Variants in ACSF3 observed in about 807,000 individuals in gnomAD.
ACSF3 encodes acyl-CoA synthetase family member 3.
Under a neutral mutation model 53.2 loss-of-function variants are expected in ACSF3, and 78 were observed. The observed-to-expected ratio is 1.47, with a 90% CI of 1.22 to 1.77. ACSF3 has a LOEUF of 1.77. Ranked by LOEUF, ACSF3 falls within the 40% of genes most tolerant of loss-of-function variation. ACSF3 has a pLI of 0.00. For missense variants in ACSF3, 937 were observed against 771.1 expected (o/e 1.22, Z -2.55); for synonymous variants, 414 against 333.1 (o/e 1.24, Z -2.65).
rs137996926 is a variant in ACSF3 at position 89,118,014 on chromosome 16, C to A, written c.1127-2787C>A. Among the ~76,000 whole-genome samples, 357 of 119,280 alleles carry A rather than the reference C, an allele frequency of 3.0e-3. 3 individuals are homozygous for A. Among genetic ancestry groups the A allele is most frequent in the Admixed American group, 9.5e-3 (119 of 12,538 alleles). 78.3% of individuals were successfully genotyped at this position (119,280 alleles called of 152,430 possible). A position where few individuals can be genotyped will look rare whatever the true frequency, so the allele number is the denominator to read the frequency against. The stretch of plus-strand genomic sequence containing the variant: ...TAAGGCAGAGCCCACAGCAGGTTCC[C>A]TCAGGCGCCAGGGACGTTCCCTCTT... On this transcript the variant is annotated intron_variant, in intron 6 of 10. Transcript: ENST00000614302.
chr16:89,139,501 C>G (rs370617756), intron 8 of ACSF3, among the ~76,000 whole-genome samples: 1 of 151,672 alleles, frequency 6.6e-6, no homozygotes, highest in Admixed American at 6.6e-5. Flanking sequence ...GGTTAGAAGT[C>G]GCTTCTCTAT....
chr16:89,115,112 C>T (rs1904873475), intron 6 of ACSF3: 1 of 213,412 alleles, frequency 4.7e-6, no homozygotes, highest in Non-Finnish European at 9.7e-6. Flanking sequence ...CTGCTTTCTG[C>T]GCAGCCCTTC....
chr16:89,102,398 A>G (rs1158354308), intron 3 of ACSF3: 2 of 641,662 alleles, frequency 3.1e-6, no homozygotes, highest in African/African-American at 1.8e-5. Context: ...CTCTGTCCCC[A>G]GGGTAAGTGA....
chr16:89,117,549 G>A (rs1331015079), intron 6 of ACSF3, among the ~76,000 whole-genome samples: 4 of 151,114 alleles, frequency 2.6e-5, no homozygotes, highest in Admixed American at 6.6e-5. Context: ...CCCGGGGACT[G>A]CTGTCTACAC....
chr16:89,133,356 C>T, intron 8 of ACSF3, 94 bp downstream of exon 8: 3 of 1,558,424 alleles, frequency 1.9e-6, no homozygotes, highest in Non-Finnish European at 1.8e-6. Context: ...GCTGGGAGTT[C>T]CCAGAATTTT....
At position 89,114,505 on chromosome 16, in the gene ACSF3, AG is replaced by A; in HGVS notation, c.1126+19del. ...CCTGCCAGGTACGAGCACTTCCCACAGCTGCGTTCCTCTTCCACTGTGCTCT... is the reference window on the plus strand; with the variant it reads ...CCTGCCAGGTACGAGCACTTCCCACACTGCGTTCCTCTTCCACTGTGCTCT... On this transcript the variant is annotated intron_variant, in intron 6 of 10. Transcript: ENST00000614302. 1 of 1,609,256 alleles carries A rather than the reference AG, an allele frequency of 6.2e-7. No individual in the cohort carries two copies. Among genetic ancestry groups the A allele is most frequent in the Non-Finnish European group, 8.5e-7 (1 of 1,179,958 alleles).
chr16:89,148,144 G>A (rs1411209581), intron 10 of ACSF3: 1 of 126,864 alleles, frequency 7.9e-6, no homozygotes, highest in East Asian at 2.6e-4. Flanking sequence ...TTGCTCTGAT[G>A]CCCAGGCTGG....
chr16:89,139,914 A>G (rs139788950), intron 8 of ACSF3, among the ~76,000 whole-genome samples: 80 of 152,182 alleles, frequency 5.3e-4, no homozygotes, highest in Non-Finnish European at 9.4e-4. Flanking sequence ...TTTTTAACGT[A>G]CAGGGTGTCC....
chr16:89,122,684 G>C (rs536731437), intron 7 of ACSF3: 1 of 160,596 alleles, frequency 6.2e-6, no homozygotes, highest in African/African-American at 2.4e-5. Flanking sequence ...CCCCGTGGCT[G>C]TGCAGCCCTC....
chr16:89,094,849 A>G (rs572274044), intron 1 of ACSF3, among the ~76,000 whole-genome samples: 64 of 152,362 alleles, frequency 4.2e-4, no homozygotes, highest in South Asian at 2.9e-3. Flanking sequence ...GAGCCATGAC[A>G]GCACCATTGC....
At chr16:89,139,733 T>C (rs1204295003) in intron 8 of ACSF3, among the ~76,000 whole-genome samples, 1 of 151,892 alleles carries the variant, frequency 6.6e-6, no homozygotes, top group African/African-American at 2.4e-5. Flanking sequence ...TAGCTGGGAT[T>C]ACAGGCGCCC....
chr16:89,100,119 C>G (rs1015420360), intron 2 of ACSF3, among the ~76,000 whole-genome samples: 1 of 152,210 alleles, frequency 6.6e-6, no homozygotes, highest in African/African-American at 2.4e-5. Flanking sequence ...CCAGCCTGGG[C>G]GACACAGCAA....
chr16:89,132,739 G>A (rs562910380), intron 7 of ACSF3, among the ~76,000 whole-genome samples: 5 of 152,354 alleles, frequency 3.3e-5, no homozygotes, highest in South Asian at 2.1e-4. Context: ...AAACGCCCCC[G>A]AAGATGGGAT....
intron 4 of ACSF3, among the ~76,000 whole-genome samples, chr16:89,103,375 A>T (rs1054229010): frequency 2.0e-5 from 3 of 152,198 alleles, no homozygotes; most frequent in Non-Finnish European, 2.9e-5. Context: ...CTCCGTCAGG[A>T]GGCTCCAGGG....
At chr16:89,140,936 A>T (rs1458008169) in intron 8 of ACSF3, 2 of 550,346 alleles carry the variant, frequency 3.6e-6, no homozygotes, top group Non-Finnish European at 5.5e-6. Flanking sequence ...AACTCCTTTA[A>T]TGAACACATC....
chr16:89,130,828 T>C (rs1200783809), intron 7 of ACSF3, among the ~76,000 whole-genome samples: 1 of 152,186 alleles, frequency 6.6e-6, no homozygotes, highest in Non-Finnish European at 1.5e-5. Flanking sequence ...CTAAGTGTTA[T>C]CTTTTCTTCT....
rs1188394205 is a variant in ACSF3 at position 89,093,907 on chromosome 16, A to T, written c.-283A>T. On this transcript the variant is annotated 5_prime_UTR_variant, in exon 1 of 11. Transcript: ENST00000614302. ...CACGACCCCGCGGGACCCGGCCGGA[A>T]CCCGGCCCGACCCCGGCGCGCGCGC... The T allele has an allele frequency of 6.1e-6, 2 of 327,252 alleles. No homozygotes were observed. Among genetic ancestry groups the T allele is most frequent in the African/African-American group, 2.2e-5 (1 of 44,898 alleles). 20.3% of individuals were successfully genotyped at this position (327,252 alleles called of 1,614,324 possible).
intron 7 of ACSF3, 111 bp from the exon 8 acceptor site, chr16:89,133,025 C>G: frequency 6.7e-7 from 1 of 1,499,796 alleles, no homozygotes; most frequent in Non-Finnish European, 9.3e-7. Context: ...TCAGAAAGCA[C>G]GCGGCCCTGG....
chr16:89,105,094 G>C (rs1251121895), intron 4 of ACSF3, among the ~76,000 whole-genome samples: 1 of 151,154 alleles, frequency 6.6e-6, no homozygotes, highest in Non-Finnish European at 1.5e-5. Flanking sequence ...CCCGTCGCCA[G>C]GGTCACCCCC....
Sources: allele counts gnomAD v4.1 joint callset (sites outside exome capture counted in the v4.1 genomes callset), GRCh38; gene constraint gnomAD v4.1.1; transcripts MANE v1.5; gene names NCBI Gene and HGNC (gene_info 2026-07-23, HGNC 2026-07-21).